The following TIAM1 variants were observed in gnomAD, a reference collection of about 807,000 sequenced individuals.
TIAM1 encodes rho guanine nucleotide exchange factor TIAM1.
A neutral mutation model predicts 163.5 loss-of-function variants in TIAM1; 65 were observed. That is an observed-to-expected ratio of 0.40 (90% CI 0.33 to 0.49). TIAM1 has a LOEUF of 0.49. TIAM1 is among the 20% of genes least tolerant of loss of function. The pLI is 0.77. For missense variants in TIAM1, 1,789 were observed against 2,044.7 expected (o/e 0.87, Z 2.41); for synonymous variants, 833 against 810.1 (o/e 1.03, Z -0.48).
chr21:31,293,021 G>A (rs190092852), intron 2 of TIAM1, among the ~76,000 whole-genome samples: 26 of 152,088 alleles, frequency 1.7e-4, no homozygotes, highest in African/African-American at 5.3e-4. Flanking sequence ...ACGGAGTTTC[G>A]CCATGTTGGC....
chr21:31,233,679 T>G (rs896887338), intron 6 of TIAM1, among the ~76,000 whole-genome samples: 2 of 152,248 alleles, frequency 1.3e-5, no homozygotes, highest in South Asian at 4.1e-4. Context: ...CACTCCAGCC[T>G]GGGCAACAAG....
intron 1 of TIAM1, among the ~76,000 whole-genome samples, chr21:31,472,931 T>C (rs1337110473): frequency 6.6e-6 from 1 of 152,232 alleles, no homozygotes; most frequent in East Asian, 1.9e-4. Context: ...TGATCTGATC[T>C]GCTGCAAGTC....
chr21:31,533,483 G>C (rs2048033061), intron 1 of TIAM1, among the ~76,000 whole-genome samples: 1 of 152,176 alleles, frequency 6.6e-6, no homozygotes, highest in South Asian at 2.1e-4. Flanking sequence ...GCTGGGTGTA[G>C]TGGCTCACAC....
At chr21:31,265,734 G>A (rs2072720734) in intron 4 of TIAM1, among the ~76,000 whole-genome samples, 1 of 152,194 alleles carries the variant, frequency 6.6e-6, no homozygotes, top group African/African-American at 2.4e-5. Context: ...TGTAGAAGCA[G>A]TTTCCCAATA....
At chr21:31,400,757 T>C (rs2077151020) in intron 2 of TIAM1, among the ~76,000 whole-genome samples, 1 of 152,170 alleles carries the variant, frequency 6.6e-6, no homozygotes. Flanking sequence ...ATTCCTGTCA[T>C]CCAGTGACTT....
chr21:31,154,560 A>G (rs1250413069), intron 16 of TIAM1, 134 bp from the exon 17 acceptor site: 2 of 883,314 alleles, frequency 2.3e-6, no homozygotes, highest in Non-Finnish European at 3.4e-6. Flanking sequence ...TGTTTCCACA[A>G]ATTGCTCCAC....
At chr21:31,364,025 C>T (rs1289732191) in intron 2 of TIAM1, among the ~76,000 whole-genome samples, 1 of 152,204 alleles carries the variant, frequency 6.6e-6, no homozygotes, top group African/African-American at 2.4e-5. Flanking sequence ...GACATCTCTA[C>T]CCAACACACA....
intron 1 of TIAM1, among the ~76,000 whole-genome samples, chr21:31,495,482 C>T (rs1042974898): frequency 6.6e-6 from 1 of 152,098 alleles, no homozygotes; most frequent in African/African-American, 2.4e-5. Flanking sequence ...ATGCCATTCA[C>T]GACAGAGGAG....
At chr21:31,436,169 G>A (rs2044201458) in intron 2 of TIAM1, among the ~76,000 whole-genome samples, 1 of 152,074 alleles carries the variant, frequency 6.6e-6, no homozygotes, top group Non-Finnish European at 1.5e-5. Context: ...GCACTATGGT[G>A]GGATCTATCT....
intron 3 of TIAM1, among the ~76,000 whole-genome samples, chr21:31,268,980 A>G (rs927416148): frequency 3.9e-5 from 6 of 152,234 alleles, no homozygotes; most frequent in Non-Finnish European, 8.8e-5. Context: ...AGACTCACAT[A>G]GGTTTAAATT....
chr21:31,549,564 T>C (rs1273985129), intron 1 of TIAM1, among the ~76,000 whole-genome samples: 1 of 152,254 alleles, frequency 6.6e-6, no homozygotes, highest in Non-Finnish European at 1.5e-5. Context: ...AACGATGTTC[T>C]GTTCAATGAC....
intron 15 of TIAM1, among the ~76,000 whole-genome samples, chr21:31,168,033 A>G (rs16987876): frequency 0.035 from 5,255 of 152,136 alleles, 330 homozygotes; most frequent in African/African-American, 0.12. Context: ...AATTCTGCCT[A>G]TACTTTGGGG....
chr21:31,340,711 A>G (rs2075988031), intron 1 of TIAM1, among the ~76,000 whole-genome samples: 1 of 152,110 alleles, frequency 6.6e-6, no homozygotes, highest in African/African-American at 2.4e-5. Context: ...CTTTGCCTTC[A>G]TAGAAGCAAC....
intron 8 of TIAM1, among the ~76,000 whole-genome samples, chr21:31,223,182 T>C (rs945331595): frequency 3.3e-5 from 5 of 151,974 alleles, no homozygotes; most frequent in African/African-American, 1.2e-4. Flanking sequence ...CCTTCATATT[T>C]CCTTTGCACA....
chr21:31,486,307 AG>A (rs1030205471), intron 1 of TIAM1, among the ~76,000 whole-genome samples: 6 of 152,164 alleles, frequency 3.9e-5, no homozygotes, highest in African/African-American at 1.4e-4. Flanking sequence ...GTGGCCCCCA[AG>A]GAACTCCCCA....
Position 31,326,568 on chromosome 21 carries a change from C to T in TIAM1, c.-189+12675G>A, listed in dbSNP as rs538922846. On this transcript the variant is annotated intron_variant, in intron 2 of 27. Transcript: ENST00000541036. The stretch of plus-strand genomic sequence containing the variant: ...GCCCATGAACTGGAAAGAAAGAAGG[C>T]TTCTGCAATGACAACAACAAAAAGA... Among the ~76,000 whole-genome samples the T allele has an allele frequency of 5.3e-5, 8 of 152,330 alleles. 1 individual carries two copies. Among genetic ancestry groups the T allele is most frequent in the African/African-American group, 1.9e-4 (8 of 41,576 alleles).
rs1371877299 is a variant in TIAM1 at position 31,120,514 on chromosome 21, C to A, written c.4630G>T (p.Asp1544Tyr). The change falls in exon 28 of 28, where the codon GAT becomes TAT. Residue 1544 changes from aspartate (D) to tyrosine (Y), a missense_variant. Around this residue, in one of 5 missense-constraint regions of TIAM1, gnomAD observed 415 missense variants for 439.2 expected, o/e 0.94. Transcript: ENST00000541036. This position sits in a 1 kb window ranked among gnomAD's most constrained non-coding sequence, Gnocchi z 4.2. ...TGTGCCATGCGGGACGCGTGACTAT[C>A]CAGGGTTTTCCGGCCTCTTTCCCGC... ...SQRERGRKTLDSHASRMAQLK... is the reference protein window; with the variant it reads ...SQRERGRKTLYSHASRMAQLK... 1 of 1,614,220 alleles carries A rather than the reference C, an allele frequency of 6.2e-7. No homozygotes were observed. Among genetic ancestry groups the A allele is most frequent in the South Asian group, 1.1e-5 (1 of 91,088 alleles).
At chr21:31,130,671 C>T (rs1174345093) in intron 24 of TIAM1, among the ~76,000 whole-genome samples, 3 of 152,092 alleles carry the variant, frequency 2.0e-5, no homozygotes, top group African/African-American at 7.2e-5. Context: ...CAGTTGGTTC[C>T]AATTCACAAA....
chr21:31,130,115 C>T (rs568580061), intron 25 of TIAM1, 98 bp downstream of exon 25: 9 of 829,076 alleles, frequency 1.1e-5, no homozygotes, highest in Admixed American at 2.6e-5. Context: ...AAAAAAAAGA[C>T]GGTAGAAGAG....
Sources: gnomAD v4.1 joint callset for allele counts (sites outside exome capture counted in the v4.1 genomes callset) on GRCh38, gnomAD v4.1.1 for gene constraint, gnomAD v4.1.1 regional missense constraint, Gnocchi (gnomAD v3.1) non-coding constraint, MANE v1.5 for transcripts, NCBI Gene and HGNC (gene_info 2026-07-23, HGNC 2026-07-21) for gene names.